The following VAMP2 variants were observed in gnomAD, a reference collection of about 807,000 sequenced individuals.
The protein encoded by VAMP2 is vesicle associated membrane protein 2, also known as vesicle-associated membrane protein 2.
For synonymous variants in VAMP2, 67 were observed against 57.3 expected (o/e 1.17, Z -0.76); for missense variants, 95 against 151.3 (o/e 0.63, Z 1.95).
chr17:8,162,777 C>G (rs948097627), intron 1 of VAMP2, 101 bp downstream of exon 1: 5 of 1,235,412 alleles, frequency 4.0e-6, no homozygotes, highest in Admixed American at 4.3e-5. Flanking sequence ...CCCCGGGGCG[C>G]GGGGAACGCA....
Position 8,160,380 on chromosome 17 carries a change from G to GTTTTTTTTTCT in VAMP2, c.*474_*475insAGAAAAAAAAA, listed in dbSNP as rs1983261003. 1 of 35,108 alleles carries GTTTTTTTTTCT rather than the reference G, an allele frequency of 2.8e-5. No individual in the cohort carries two copies. The highest frequency in any genetic ancestry group is 1.2e-4 in the African/African-American group (1 of 8,576). 2.2% of individuals were successfully genotyped at this position (35,108 alleles called of 1,614,324 possible). Reference sequence around the variant, plus strand: ...TAAGGAAGCCTGGACAGGTGCTGTTGTTTTTTTTTTTTTTTTTTTTTTTTT... The same window carrying GTTTTTTTTTCT: ...TAAGGAAGCCTGGACAGGTGCTGTTGTTTTTTTTTCTTTTTTTTTTTTTTTTTTTTTTTTTT... On this transcript the variant is annotated 3_prime_UTR_variant, in exon 5 of 5. Transcript: ENST00000316509.
At chr17:8,160,950 C>A in intron 4 of VAMP2, 79 bp from the exon 5 acceptor site, 1 of 1,324,998 alleles carries the variant, frequency 7.5e-7, no homozygotes, top group Non-Finnish European at 1.1e-6. Flanking sequence ...TGTGTCAGGC[C>A]TGGCCCTGCT....
rs1166269645 is a variant in VAMP2, at chr17:8,159,276, C to T, written c.*1579G>A. The T allele has an allele frequency of 6.6e-6, 1 of 152,014 alleles. No homozygotes were observed. The highest frequency in any genetic ancestry group is 1.5e-5 in the Non-Finnish European group (1 of 67,998). The allele number at this position is 152,014 out of a possible 1,614,324, so 9.4% of individuals were successfully genotyped here. The stretch of plus-strand genomic sequence containing the variant: ...ATATGGGGGGTCTAAAACACAGCAC[C>T]CCCACCTCCAGCATCTCTCCTACCC... On this transcript the variant is annotated 3_prime_UTR_variant, in exon 5 of 5. Coordinates refer to ENST00000316509, the MANE Select transcript of VAMP2 (RefSeq NM_014232.3).
chr17:8,162,487 C>A, intron 1 of VAMP2, 118 bp from the exon 2 acceptor site: 1 of 1,549,276 alleles, frequency 6.5e-7, no homozygotes, highest in Non-Finnish European at 8.7e-7. Context: ...GGGAGGAAGG[C>A]CACCCGATGT....
intron 1 of VAMP2, chr17:8,162,611 C>T (rs1983351701): frequency 7.1e-7 from 1 of 1,406,120 alleles, no homozygotes; most frequent in Admixed American, 3.4e-5. Context: ...AGATGCGATC[C>T]GGGTCGACCC....
rs982358109 is a variant in VAMP2, at chr17:8,161,710, C to T, written c.180G>A (p.Leu60=). 8 of 1,614,080 alleles carry T rather than the reference C, an allele frequency of 5.0e-6. No individual in the cohort carries two copies. The Admixed American group carries it at 6.7e-5, about 13-fold the overall frequency. ...VDKVLERDQK[L]SELDDRADAL... is the part of the protein sequence containing the mutation. The stretch of plus-strand genomic sequence containing the variant: ...CATCTGCACGGTCGTCCAGCTCCGA[C>T]AGCTTCTGGTCTCGCTCCAGGACCT... Residue 60 remains leucine (L), a synonymous_variant, in exon 3 of 5, where the codon CTG becomes CTA. Transcript: ENST00000316509.
Position 8,161,535 on chromosome 17 carries a change from G to A in VAMP2, c.283-11C>T. On this transcript the variant is annotated splice_polypyrimidine_tract_variant and intron_variant, in intron 3 of 4. Transcript: ENST00000316509. The stretch of plus-strand genomic sequence containing the variant: ...CAAGATGATCATCATCTGGGGGTGA[G>A]AGGCGAGGATCAGTAAGACAAACTA... 1 of 1,614,140 alleles carries A rather than the reference G, an allele frequency of 6.2e-7. No homozygotes were observed. The highest frequency in any genetic ancestry group is 8.5e-7 in the Non-Finnish European group (1 of 1,180,006).
chr17:8,162,594 A>C (rs948215019), intron 1 of VAMP2: 9 of 1,439,086 alleles, frequency 6.3e-6, no homozygotes, highest in Non-Finnish European at 8.2e-6. Context: ...ACTGAGGGCG[A>C]CCTCACAGAT....
intron 1 of VAMP2, chr17:8,162,657 G>A: frequency 7.2e-7 from 1 of 1,390,266 alleles, no homozygotes; most frequent in South Asian, 1.6e-5. Flanking sequence ...GGGGCGGGGA[G>A]GGGCAGGAGG....
intron 4 of VAMP2, 76 bp from the exon 5 acceptor site, chr17:8,160,947 G>A (rs765913186): frequency 1.3e-5 from 18 of 1,357,782 alleles, no homozygotes; most frequent in African/African-American, 2.9e-5. Context: ...CAGTGTGTCA[G>A]GCCTGGCCCT....
rs1983300572 is a variant in VAMP2 at position 8,161,187 on chromosome 17, C to T, written c.334+286G>A. ...AAGCCCCTGGTCCTTTCCTTTCTCCCACTCCTCAATTCCAGGGTTCTCAGA... is the reference window on the plus strand; with the variant it reads ...AAGCCCCTGGTCCTTTCCTTTCTCCTACTCCTCAATTCCAGGGTTCTCAGA... On this transcript the variant is annotated intron_variant, in intron 4 of 4. Coordinates refer to ENST00000316509, the MANE Select transcript of VAMP2 (RefSeq NM_014232.3). The T allele has an allele frequency of 8.8e-6, 5 of 567,686 alleles. No homozygotes were observed. In the South Asian group the frequency reaches 1.1e-4, roughly 13 times the overall value. The allele number at this position is 567,686 out of a possible 1,614,324, so 35.2% of individuals were successfully genotyped here. A position where few individuals can be genotyped will look rare whatever the true frequency, so the allele number is the denominator to read the frequency against.
intron 3 of VAMP2, 29 bp from the exon 4 acceptor site, chr17:8,161,553 A>G: frequency 6.2e-7 from 1 of 1,614,124 alleles, no homozygotes; most frequent in Non-Finnish European, 8.5e-7. Context: ...GATCAGTAAG[A>G]CAAACTATGA....
In VAMP2 at chr17:8,160,576, AG is replaced by A. The variant is rs1392695913; in HGVS notation, c.*278del. 2 of 217,044 alleles carry A rather than the reference AG, an allele frequency of 9.2e-6. No homozygotes were observed. The highest frequency in any genetic ancestry group is 1.2e-4 in the Admixed American group (2 of 17,040). 13.4% of individuals were successfully genotyped at this position (217,044 alleles called of 1,614,324 possible). On this transcript the variant is annotated 3_prime_UTR_variant, in exon 5 of 5. Coordinates refer to ENST00000316509, the MANE Select transcript of VAMP2 (RefSeq NM_014232.3). ...TGGGGCTAGTCAGGAAGAAAGGGAA[AG>A]GGAAGGAAGGCAAGAGAGAGGGGTG... is the stretch of plus-strand genomic sequence containing the variant.
At position 8,162,359 on chromosome 17, in the gene VAMP2, C is replaced by A; in HGVS notation, c.13G>T (p.Ala5Ser). The change falls in exon 2 of 5, where the codon GCT becomes TCT. Residue 5 changes from alanine (A) to serine (S), a missense_variant. Physicochemically the swap from Ala to Ser is moderately conservative, Grantham distance 99 (BLOSUM62 1). Coordinates refer to ENST00000316509, the MANE Select transcript of VAMP2 (RefSeq NM_014232.3). MSATAATAPPAAPAG... is the reference protein window; with the variant it reads MSATSATAPPAAPAG... Reference sequence around the variant, plus strand: ...GGGGCAGCAGGGGGGGCCGTGGCAGCGGTAGCAGACCTGAGGAGCAGGGAC... The same window carrying A: ...GGGGCAGCAGGGGGGGCCGTGGCAGAGGTAGCAGACCTGAGGAGCAGGGAC... 6.2e-7 allele frequency: 1 copy of A among 1,608,574 alleles called. No homozygotes were observed. Among genetic ancestry groups the A allele is most frequent in the South Asian group, 1.1e-5 (1 of 90,544 alleles).
intron 4 of VAMP2, chr17:8,161,116 C>T (rs754154207): frequency 3.8e-5 from 21 of 552,846 alleles, no homozygotes; most frequent in Non-Finnish European, 5.4e-5. Context: ...CCTCTGAGAC[C>T]GCAAGCTCTC....
intron 4 of VAMP2, 70 bp from the exon 5 acceptor site, chr17:8,160,941 G>T: frequency 7.1e-7 from 1 of 1,416,642 alleles, no homozygotes; most frequent in Non-Finnish European, 9.9e-7. Flanking sequence ...AGAAAGCAGT[G>T]TGTCAGGCCT....
Position 8,161,704 on chromosome 17 carries a change from CTCCGACAGCT to C in VAMP2, c.176_185del (p.Lys59SerfsTer34). 1 of 1,614,194 alleles carries C rather than the reference CTCCGACAGCT, an allele frequency of 6.2e-7. No homozygotes were observed. Among genetic ancestry groups the C allele is most frequent in the Non-Finnish European group, 8.5e-7 (1 of 1,180,014 alleles). On this transcript the variant is annotated frameshift_variant, in exon 3 of 5. Transcript: ENST00000316509. LOFTEE classifies it high-confidence loss of function. ...GGAGTGCATCTGCACGGTCGTCCAG[CTCCGACAGCT>C]TCTGGTCTCGCTCCAGGACCTTGTC...
intron 2 of VAMP2, 133 bp downstream of exon 2, chr17:8,162,116 G>T: frequency 7.2e-7 from 1 of 1,388,110 alleles, no homozygotes; most frequent in Non-Finnish European, 9.6e-7. Flanking sequence ...GGGAGACAGG[G>T]ATGGGGCATG....
intron 2 of VAMP2, 134 bp downstream of exon 2, chr17:8,162,115 G>C (rs1983331964): frequency 7.2e-7 from 1 of 1,385,100 alleles, no homozygotes; most frequent in South Asian, 1.5e-5. Context: ...AGGGAGACAG[G>C]GATGGGGCAT....
Sources: allele counts gnomAD v4.1 joint callset, GRCh38; gene constraint gnomAD v4.1.1; transcripts MANE v1.5; gene names NCBI Gene and HGNC (gene_info 2026-07-23, HGNC 2026-07-21).